GTF2E1: variants seen among roughly 807,000 people sequenced by gnomAD.
GTF2E1 encodes the protein general transcription factor IIE subunit 1, also known as TFIIE alpha subunit.
In GTF2E1, 14 loss-of-function variants were observed where a neutral mutation model predicts 34.9. That is an observed-to-expected ratio of 0.40 (90% CI 0.27 to 0.63). GTF2E1 has a LOEUF of 0.63. GTF2E1 is among the 20% of genes least tolerant of loss of function. GTF2E1 has a pLI of 0.39. For synonymous variants in GTF2E1, 188 were observed against 192.9 expected (o/e 0.97, Z 0.21); for missense variants, 469 against 557.7 (o/e 0.84, Z 1.60).
rs554072331 is a variant in GTF2E1, at chr3:120,758,385, C to CT, written c.448+7386dup. Among the ~76,000 whole-genome samples the CT allele has an allele frequency of 5.0e-4, 76 of 152,190 alleles. No individual in the cohort carries two copies. In the Middle Eastern group the frequency reaches 0.01, roughly 20 times the overall value. ...CATCCTCCAGAAGCCCTTTAGAAATCTAACAATGTAAAGTGATTCTTTTTT... is the reference window on the plus strand; with the variant it reads ...CATCCTCCAGAAGCCCTTTAGAAATCTTAACAATGTAAAGTGATTCTTTTTT... On this transcript the variant is annotated intron_variant, in intron 2 of 4. Coordinates refer to ENST00000283875, the MANE Select transcript of GTF2E1 (RefSeq NM_005513.3).
chr3:120,743,592 A>G (rs926244592), intron 1 of GTF2E1, among the ~76,000 whole-genome samples: 2 of 152,230 alleles, frequency 1.3e-5, no homozygotes, highest in African/African-American at 4.8e-5. Flanking sequence ...AGAAGGGGGA[A>G]AGAGCCATGG....
intron 2 of GTF2E1, among the ~76,000 whole-genome samples, chr3:120,767,842 T>G: frequency 6.6e-6 from 1 of 152,186 alleles, no homozygotes; most frequent in East Asian, 1.9e-4. Flanking sequence ...TACTTTATTT[T>G]TCCCCCTATT....
intron 3 of GTF2E1, among the ~76,000 whole-genome samples, chr3:120,774,282 C>A (rs1319265303): frequency 6.6e-6 from 1 of 151,924 alleles, no homozygotes; most frequent in Non-Finnish European, 1.5e-5. Flanking sequence ...TGAAAGGAGT[C>A]AGAGAGACAA....
intron 2 of GTF2E1, among the ~76,000 whole-genome samples, chr3:120,761,581 C>G (rs1486693342): frequency 1.4e-4 from 21 of 152,158 alleles, no homozygotes; most frequent in Non-Finnish European, 1.5e-5. Flanking sequence ...TCCCTCTACA[C>G]ATTGCTTTAA....
intron 1 of GTF2E1, among the ~76,000 whole-genome samples, chr3:120,749,362 C>T (rs979302291): frequency 6.6e-6 from 1 of 152,126 alleles, no homozygotes; most frequent in Non-Finnish European, 1.5e-5. Context: ...CCAGGTTTTG[C>T]CCATTCAGTA....
At position 120,781,466 on chromosome 3, in the gene GTF2E1, A is replaced by G; in HGVS notation, c.1316A>G (p.Glu439Gly). 1.2e-6 allele frequency: 2 copies of G among 1,608,594 alleles called. No individual in the cohort carries two copies. Among genetic ancestry groups the G allele is most frequent in the Non-Finnish European group, 1.7e-6 (2 of 1,175,246 alleles). Residue 439 changes from glutamate to glycine, a missense_variant, in exon 5 of 5, where the codon GAG (glutamate) becomes GGG (glycine). Coordinates refer to ENST00000283875, the MANE Select transcript of GTF2E1 (RefSeq NM_005513.3). ...CAACGCATGTTTGAGGACCTCTTTG[A>G]GTGAGCTTTCCCTAATTCTTTCTCC... ...MGQRMFEDLF[E>G] is the part of the protein sequence containing the mutation.
intron 1 of GTF2E1, among the ~76,000 whole-genome samples, chr3:120,744,907 G>A (rs756902859): frequency 1.3e-5 from 2 of 151,772 alleles, no homozygotes; most frequent in Non-Finnish European, 2.9e-5. Flanking sequence ...TTAACTGTGT[G>A]AGCAGGGCAC....
intron 2 of GTF2E1, among the ~76,000 whole-genome samples, chr3:120,764,354 C>A (rs1709289460): frequency 6.6e-6 from 1 of 152,168 alleles, no homozygotes. Context: ...ACCCACTGTT[C>A]TGGGGTGAGA....
At chr3:120,743,217 C>G (rs1418992123) in intron 1 of GTF2E1, among the ~76,000 whole-genome samples, 1 of 152,212 alleles carries the variant, frequency 6.6e-6, no homozygotes, top group African/African-American at 2.4e-5. Context: ...TGTTCTAGAA[C>G]TGGAGTGGCG....
intron 2 of GTF2E1, among the ~76,000 whole-genome samples, chr3:120,763,276 T>C (rs773002920): frequency 3.9e-5 from 6 of 152,206 alleles, no homozygotes; most frequent in African/African-American, 7.2e-5. Flanking sequence ...TTTGCCCTTC[T>C]TCCCCCATAT....
intron 2 of GTF2E1, among the ~76,000 whole-genome samples, chr3:120,759,173 T>A (rs1049896639): frequency 6.6e-6 from 1 of 152,270 alleles, no homozygotes; most frequent in African/African-American, 2.4e-5. Context: ...TGACCAGTGA[T>A]GATGAGCATT....
At chr3:120,747,443 T>C (rs1025951959) in intron 1 of GTF2E1, among the ~76,000 whole-genome samples, 3 of 152,158 alleles carry the variant, frequency 2.0e-5, no homozygotes, top group African/African-American at 7.2e-5. Flanking sequence ...TTCGCCTTCC[T>C]GTGTCCATGT....
intron 2 of GTF2E1, among the ~76,000 whole-genome samples, chr3:120,764,136 C>T (rs191139560): frequency 6.6e-4 from 101 of 152,260 alleles, no homozygotes; most frequent in African/African-American, 2.4e-3. Context: ...GAGGCCTACC[C>T]TGAGTTTCCT....
chr3:120,770,735 C>G lies in GTF2E1; in HGVS notation c.456C>G (p.Phe152Leu). The change falls in exon 3 of 5, where the codon TTC becomes TTG. Residue 152 changes from phenylalanine (F) to leucine (L), a missense_variant. Coordinates refer to ENST00000283875, the MANE Select transcript of GTF2E1 (RefSeq NM_005513.3). Reference protein sequence around the residue: ...NQLFDPMTGTFRCTFCHTEVE... With the variant: ...NQLFDPMTGTLRCTFCHTEVE... Reference sequence around the variant, plus strand: ...TACTTGTTTTCTCTGTAGGAACTTTCCGCTGTACTTTTTGCCATACAGAGG... The same window carrying G: ...TACTTGTTTTCTCTGTAGGAACTTTGCGCTGTACTTTTTGCCATACAGAGG... 1 of 1,612,552 alleles carries G rather than the reference C, an allele frequency of 6.2e-7. No individual in the cohort carries two copies. The highest frequency in any genetic ancestry group is 8.5e-7 in the Non-Finnish European group (1 of 1,178,748).
At chr3:120,747,294 T>C (rs985497756) in intron 1 of GTF2E1, among the ~76,000 whole-genome samples, 2 of 151,922 alleles carry the variant, frequency 1.3e-5, no homozygotes, top group Non-Finnish European at 2.9e-5. Flanking sequence ...ATGTGCACAA[T>C]GTGCAGGTTA....
intron 3 of GTF2E1, among the ~76,000 whole-genome samples, chr3:120,771,962 C>G (rs1709355343): frequency 6.6e-6 from 1 of 152,114 alleles, no homozygotes; most frequent in African/African-American, 2.4e-5. Context: ...TAGTACAGTT[C>G]AAAACTGGTT....
Position 120,750,804 on chromosome 3 carries a change from G to T in GTF2E1, c.252G>T (p.Gly84=). ...CRMRVETAAD[G]KTTRHNYYFI... The stretch of plus-strand genomic sequence containing the variant: ...TGAGGGTAGAGACTGCTGCAGACGG[G>T]AAAACCACTCGCCATAACTACTACT... Residue 84 remains glycine, a synonymous_variant, in exon 2 of 5, where the codon GGG becomes GGT. Coordinates refer to ENST00000283875, the MANE Select transcript of GTF2E1 (RefSeq NM_005513.3). The T allele has an allele frequency of 6.2e-7, 1 of 1,614,016 alleles. No homozygotes were observed. Among genetic ancestry groups the T allele is most frequent in the Non-Finnish European group, 8.5e-7 (1 of 1,179,952 alleles).
chr3:120,750,950 G>A lies in GTF2E1; in HGVS notation c.398G>A (p.Ser133Asn), dbSNP rs777169145. ...NRASFKCPVC[S>N]STFTDLEANQ... The stretch of plus-strand genomic sequence containing the variant: ...GCTTCCTTCAAATGTCCTGTCTGTA[G>A]TAGTACTTTCACAGACTTAGAAGCT... The change falls in exon 2 of 5, where the codon AGT becomes AAT. Residue 133 changes from serine to asparagine, a missense_variant. Ser to Asn is a conservative substitution (Grantham distance 46, BLOSUM62 1). Transcript: ENST00000283875. 1 of 1,613,816 alleles carries A rather than the reference G, an allele frequency of 6.2e-7. No homozygotes were observed. Among genetic ancestry groups the A allele is most frequent in the Admixed American group, 1.7e-5 (1 of 59,992 alleles).
At chr3:120,762,222 T>C (rs1173309337) in intron 2 of GTF2E1, among the ~76,000 whole-genome samples, 1 of 152,232 alleles carries the variant, frequency 6.6e-6, no homozygotes, top group African/African-American at 2.4e-5. Flanking sequence ...TGTAGATGTC[T>C]GTTAGGTCCG....
Sources: gnomAD v4.1 joint callset for allele counts (sites outside exome capture counted in the v4.1 genomes callset) on GRCh38, gnomAD v4.1.1 for gene constraint, MANE v1.5 for transcripts, NCBI Gene and HGNC (gene_info 2026-07-23, HGNC 2026-07-21) for gene names.